PRXL2B: variants seen among roughly 807,000 people sequenced by gnomAD.
PRXL2B encodes peroxiredoxin like 2B.
A neutral mutation model predicts 24.4 loss-of-function variants in PRXL2B; 26 were observed. The observed-to-expected ratio is 1.07, with a 90% CI of 0.78 to 1.48. The LOEUF is 1.48. PRXL2B is among the 40% of genes most tolerant of loss of function. The probability of loss-of-function intolerance (pLI) is 0.00; values close to 1 mark genes in which losing one functional copy is unlikely to be tolerated. For synonymous variants in PRXL2B, 115 were observed against 118.9 expected (o/e 0.97, Z 0.21); for missense variants, 269 against 264.8 (o/e 1.02, Z -0.11).
Position 2,587,816 on chromosome 1 carries a change from G to C in PRXL2B, c.320+24G>C. ...CGGTGAGTGGGGGCGGGAACCCTTGGGTAGCGTGGGGTGGGGGGCCCAGGG... is the reference window on the plus strand; with the variant it reads ...CGGTGAGTGGGGGCGGGAACCCTTGCGTAGCGTGGGGTGGGGGGCCCAGGG... On this transcript the variant is annotated intron_variant, in intron 3 of 6. Transcript: ENST00000419916. This position sits in a 1 kb window ranked among gnomAD's most constrained non-coding sequence, Gnocchi z 6.1. The C allele has an allele frequency of 6.3e-7, 1 of 1,580,264 alleles. No homozygotes were observed. The highest frequency in any genetic ancestry group is 8.6e-7 in the Non-Finnish European group (1 of 1,163,068).
chr1:2,588,696 C>G (rs1055625135), intron 5 of PRXL2B, 71 bp downstream of exon 5: 1 of 1,524,088 alleles, frequency 6.6e-7, no homozygotes, highest in East Asian at 2.3e-5. Flanking sequence ...CCAGCCCAGG[C>G]CCTCTCTCTG....
chr1:2,590,945 C>T lies in PRXL2B; in HGVS notation c.*1518C>T, dbSNP rs61729818. 5.9e-5 allele frequency: 83 copies of T among 1,410,884 alleles called. No homozygotes were observed. The highest frequency in any genetic ancestry group is 2.3e-4 in the African/African-American group (16 of 68,884). The allele number at this position is 1,410,884 out of a possible 1,614,324, so 87.4% of individuals were successfully genotyped here. The stretch of plus-strand genomic sequence containing the variant: ...AGCTGCACCTTCGCACAGATGCCTC[C>T]GAGCAGCGGGTGGGCGTGGGCCGCA... On this transcript the variant is annotated 3_prime_UTR_variant, in exon 7 of 7. Coordinates refer to ENST00000419916, the MANE Select transcript of PRXL2B (RefSeq NM_152371.5).
intron 5 of PRXL2B, 103 bp downstream of exon 5, chr1:2,588,728 C>T (rs1644594088): frequency 7.4e-7 from 1 of 1,346,120 alleles, no homozygotes; most frequent in South Asian, 1.3e-5. Flanking sequence ...TCATCACAGC[C>T]CCTCCGCCGC....
Position 2,588,537 on chromosome 1 carries a change from C to A in PRXL2B, c.385-13C>A. 1 of 1,614,062 alleles carries A rather than the reference C, an allele frequency of 6.2e-7. No individual in the cohort carries two copies. Among genetic ancestry groups the A allele is most frequent in the Non-Finnish European group, 8.5e-7 (1 of 1,179,958 alleles). Reference sequence around the variant, plus strand: ...CTTCTAGGATTGACTCAGGCTGTACCCACTCCTGACAGGCCAAGGCTGTTG... The same window carrying A: ...CTTCTAGGATTGACTCAGGCTGTACACACTCCTGACAGGCCAAGGCTGTTG... On this transcript the variant is annotated splice_polypyrimidine_tract_variant and intron_variant, in intron 4 of 6. Coordinates refer to ENST00000419916, the MANE Select transcript of PRXL2B (RefSeq NM_152371.5).
Position 2,587,429 on chromosome 1 carries a change from C to T in PRXL2B, c.268+134C>T. On this transcript the variant is annotated intron_variant, in intron 2 of 6. Coordinates refer to ENST00000419916, the MANE Select transcript of PRXL2B (RefSeq NM_152371.5). This position sits in a 1 kb window ranked among gnomAD's most constrained non-coding sequence, Gnocchi z 6.1. ...GATATGCCCACGGGTCAGCGTCCCT[C>T]ATCTCTCCCTGCCTCCCCGCCCCGC... 9.4e-7 allele frequency: 1 copy of T among 1,069,204 alleles called. No homozygotes were observed. The highest frequency in any genetic ancestry group is 2.4e-5 in the Admixed American group (1 of 41,328). 66.2% of individuals were successfully genotyped at this position (1,069,204 alleles called of 1,614,324 possible). A position where few individuals can be genotyped will look rare whatever the true frequency, so the allele number is the denominator to read the frequency against.
intron 4 of PRXL2B, 28 bp downstream of exon 4, chr1:2,588,481 C>CCG (rs1557503886): frequency 6.2e-7 from 1 of 1,613,630 alleles, no homozygotes; most frequent in Non-Finnish European, 8.5e-7. Flanking sequence ...GTGTACAGGC[C>CCG]GGGGGGTGGT....
chr1:2,587,249 G>T lies in PRXL2B; in HGVS notation c.222G>T (p.Glu74Asp), dbSNP rs868334952. ...HGVRLVGVGP[E>D]ALGLQEFLDG... ...TGCGCCTGGTGGGCGTAGGGCCCGA[G>T]GCCCTGGGTCTGCAGGAGTTCCTGG... is the stretch of plus-strand genomic sequence containing the variant. Residue 74 changes from glutamate to aspartate, a missense_variant, in exon 2 of 7, where the codon GAG becomes GAT. Coordinates refer to ENST00000419916, the MANE Select transcript of PRXL2B (RefSeq NM_152371.5). The surrounding 1 kb of genome is among the most constrained non-coding windows in gnomAD (Gnocchi z 6.1). The T allele has an allele frequency of 3.2e-6, 5 of 1,578,612 alleles. No homozygotes were observed. The highest frequency in any genetic ancestry group is 1.3e-5 in the African/African-American group (1 of 74,494).
Position 2,587,577 on chromosome 1 carries a change from A to G in PRXL2B, c.269-164A>G, listed in dbSNP as rs375227099. 6.6e-6 allele frequency among the ~76,000 whole-genome samples: 1 copy of G among 151,908 alleles called. No individual in the cohort carries two copies. The highest frequency in any genetic ancestry group is 1.5e-5 in the Non-Finnish European group (1 of 67,956). On this transcript the variant is annotated intron_variant, in intron 2 of 6. Transcript: ENST00000419916. The surrounding 1 kb of genome is among the most constrained non-coding windows in gnomAD (Gnocchi z 6.1). ...AGCCCCTCTTCTGAGGGGAGGGGGG[A>G]CACTCAGCCCCGTTTTACCCCTCCC... is the stretch of plus-strand genomic sequence containing the variant.
rs751055105 is a variant in PRXL2B, at chr1:2,588,902, C to T, written c.461-20C>T. 6 of 1,610,114 alleles carry T rather than the reference C, an allele frequency of 3.7e-6. No individual in the cohort carries two copies. Among genetic ancestry groups the T allele is most frequent in the Non-Finnish European group, 5.1e-6 (6 of 1,177,382 alleles). ...GCAGGCGGCCTCCGGGGTGCCGTGA[C>T]TGCCTGCCCGCTGCTACAGGTGGTG... On this transcript the variant is annotated intron_variant, in intron 5 of 6. Coordinates refer to ENST00000419916, the MANE Select transcript of PRXL2B (RefSeq NM_152371.5).
intron 5 of PRXL2B, 120 bp from the exon 6 acceptor site, chr1:2,588,802 C>G: frequency 8.2e-7 from 1 of 1,218,560 alleles, no homozygotes; most frequent in Non-Finnish European, 1.2e-6. Context: ...GCTCACTCAT[C>G]TGGGTAGCCG....
chr1:2,587,753 A>C lies in PRXL2B; in HGVS notation c.281A>C (p.Asp94Ala). The C allele has an allele frequency of 3.3e-6, 5 of 1,524,280 alleles. No homozygotes were observed. Among genetic ancestry groups the C allele is most frequent in the Non-Finnish European group, 4.4e-6 (5 of 1,124,640 alleles). 94.4% of individuals were successfully genotyped at this position (1,524,280 alleles called of 1,614,324 possible). A position where few individuals can be genotyped will look rare whatever the true frequency, so the allele number is the denominator to read the frequency against. Reference sequence around the variant, plus strand: ...TTCCGCTTTCCAGAGCTCTACCTGGATGAGAGCAAGCAGCTTTACAAGGAG... The same window carrying C: ...TTCCGCTTTCCAGAGCTCTACCTGGCTGAGAGCAAGCAGCTTTACAAGGAG... ...GDYFAGELYL[D>A]ESKQLYKELG... is the part of the protein sequence containing the mutation. Residue 94 changes from aspartate to alanine, a missense_variant, in exon 3 of 7, where the codon GAT becomes GCT. By Grantham distance (126) the Asp-to-Ala change is moderately radical. Transcript: ENST00000419916. This position sits in a 1 kb window ranked among gnomAD's most constrained non-coding sequence, Gnocchi z 6.1.
At chr1:2,586,655 C>A (rs914863992), upstream of PRXL2B, 1 of 1,012,898 alleles carries the variant, frequency 9.9e-7, no homozygotes, top group Non-Finnish European at 1.2e-6. Flanking sequence ...GCTCGGGGTG[C>A]GGTCGGGGGC....
chr1:2,589,370 C>T, intron 6 of PRXL2B, 40 bp from the exon 7 acceptor site: 1 of 1,609,326 alleles, frequency 6.2e-7, no homozygotes, highest in Non-Finnish European at 8.5e-7. Context: ...TTGTCTGATC[C>T]AGTGTCCAGC....
In PRXL2B at chr1:2,591,413, C is replaced by A; in HGVS notation, c.*1986C>A. The A allele has an allele frequency of 1.4e-6, 1 of 698,618 alleles. No individual in the cohort carries two copies. The highest frequency in any genetic ancestry group is 1.7e-5 in the South Asian group (1 of 59,562). The allele number at this position is 698,618 out of a possible 1,614,324, so 43.3% of individuals were successfully genotyped here. On this transcript the variant is annotated 3_prime_UTR_variant, in exon 7 of 7. Coordinates refer to ENST00000419916, the MANE Select transcript of PRXL2B (RefSeq NM_152371.5). ...GTAAGAGAATGTCCCTGACCGAAATCGGCCAGAAGCCCCTCTCAGGTTTAT... is the reference window on the plus strand; with the variant it reads ...GTAAGAGAATGTCCCTGACCGAAATAGGCCAGAAGCCCCTCTCAGGTTTAT...
At position 2,589,014 on chromosome 1, in the gene PRXL2B, G is replaced by C; in HGVS notation, c.553G>C (p.Glu185Gln). The change falls in exon 6 of 7, where the codon GAG (glutamate) becomes CAG (glutamine). Residue 185 changes from glutamate (E) to glutamine (Q), a missense_variant. Glu to Gln is a conservative substitution (Grantham distance 29, BLOSUM62 2). Coordinates refer to ENST00000419916, the MANE Select transcript of PRXL2B (RefSeq NM_152371.5). The part of the protein sequence containing the change: ...HILQVLGISA[E>Q]VCASDPPQCD... Reference sequence around the variant, plus strand: ...CCTGCAGGTCCTGGGCATCTCTGCGGAGGTCTGTGCCAGCGACCCGCCTCA... The same window carrying C: ...CCTGCAGGTCCTGGGCATCTCTGCGCAGGTCTGTGCCAGCGACCCGCCTCA... The C allele has an allele frequency of 1.9e-6, 3 of 1,613,166 alleles. No homozygotes were observed. The highest frequency in any genetic ancestry group is 2.5e-6 in the Non-Finnish European group (3 of 1,179,966).
In PRXL2B at chr1:2,591,201, T is replaced by C. The variant is rs1455904590; in HGVS notation, c.*1774T>C. 4.3e-6 allele frequency: 3 copies of C among 690,266 alleles called. No homozygotes were observed. The highest frequency in any genetic ancestry group is 7.1e-6 in the Non-Finnish European group (3 of 421,458). 42.8% of individuals were successfully genotyped at this position (690,266 alleles called of 1,614,324 possible). On this transcript the variant is annotated 3_prime_UTR_variant, in exon 7 of 7. Transcript: ENST00000419916. ...CAAAACATCAGCCTAATGGCTCATG[T>C]CAGTATGAGCAGAAACATTTCAACC...
At position 2,590,477 on chromosome 1, in the gene PRXL2B, T is replaced by C. The variant is rs147704347; in HGVS notation, c.*1050T>C. On this transcript the variant is annotated 3_prime_UTR_variant, in exon 7 of 7. Coordinates refer to ENST00000419916, the MANE Select transcript of PRXL2B (RefSeq NM_152371.5). ...GGGCACTTGGGGGCATCCTGGTCAC[T>C]GCTGGCCCTAGCATTGGACCCTAGG... The C allele has an allele frequency of 8.8e-4, 135 of 153,032 alleles. No individual in the cohort carries two copies. The highest frequency in any genetic ancestry group is 3.2e-3 in the African/African-American group (133 of 41,540). 9.5% of individuals were successfully genotyped at this position (153,032 alleles called of 1,614,324 possible). A position where few individuals can be genotyped will look rare whatever the true frequency, so the allele number is the denominator to read the frequency against.
chr1:2,589,220 C>T (rs1047322689), intron 6 of PRXL2B, among the ~76,000 whole-genome samples, 180 bp downstream of exon 6: 21 of 152,278 alleles, frequency 1.4e-4, no homozygotes, highest in Admixed American at 9.1e-4. Context: ...TGAGAGGGGC[C>T]GAAGGGCAGC....
Position 2,588,585 on chromosome 1 carries a change from G to T in PRXL2B, c.420G>T (p.Gly140=). Residue 140 remains glycine (G), a synonymous_variant, in exon 5 of 7, where the codon GGG becomes GGT. Coordinates refer to ENST00000419916, the MANE Select transcript of PRXL2B (RefSeq NM_152371.5). ...KAVGIQGNLS[G]DLLQSGGLLV... ...TTGGCATCCAGGGGAACTTGTCTGGGGACCTGCTGCAGAGCGGAGGGCTGC... is the reference window on the plus strand; with the variant it reads ...TTGGCATCCAGGGGAACTTGTCTGGTGACCTGCTGCAGAGCGGAGGGCTGC... The T allele has an allele frequency of 6.2e-7, 1 of 1,614,148 alleles. No individual in the cohort carries two copies. The highest frequency in any genetic ancestry group is 1.3e-5 in the African/African-American group (1 of 75,078).
Sources: allele counts gnomAD v4.1 joint callset (sites outside exome capture counted in the v4.1 genomes callset), GRCh38; gene constraint gnomAD v4.1.1; non-coding constraint Gnocchi (gnomAD v3.1); transcripts MANE v1.5; gene names NCBI Gene and HGNC (gene_info 2026-07-23, HGNC 2026-07-21).